ITCH: variants seen among roughly 807,000 people sequenced by gnomAD.
The protein encoded by ITCH is itchy E3 ubiquitin protein ligase, also known as E3 ubiquitin-protein ligase Itchy homolog.
ITCH carries 28 observed loss-of-function variants against 126.8 expected under a neutral mutation model. The observed-to-expected ratio is 0.22, with a 90% CI of 0.16 to 0.30. ITCH has a LOEUF of 0.30. Among genes scored for constraint, ITCH ranks in the 10% least tolerant of loss-of-function variants. The pLI is 1.00. For synonymous variants in ITCH, 342 were observed against 340.0 expected, an observed-to-expected ratio of 1.01 and a Z score of -0.06; for missense variants, 631 against 1,032.4, an observed-to-expected ratio of 0.61 and a Z score of 5.33.
intron 16 of ITCH, 74 bp from the exon 17 acceptor site, chr20:34,477,698 A>G (rs1393368183): frequency 1.5e-6 from 2 of 1,352,972 alleles, no homozygotes; most frequent in East Asian, 4.6e-5. Context: ...AACGAAGGAG[A>G]TGTCAAACCT....
At chr20:34,434,087 G>A (rs1233530683) in intron 7 of ITCH, among the ~76,000 whole-genome samples, 2 of 152,158 alleles carry the variant, frequency 1.3e-5, no homozygotes, top group South Asian at 4.1e-4. Flanking sequence ...ACTAGCATGG[G>A]CAACATGGCA....
intron 16 of ITCH, among the ~76,000 whole-genome samples, chr20:34,477,376 C>A (rs1988329048): frequency 1.3e-5 from 2 of 152,032 alleles, no homozygotes; most frequent in Non-Finnish European, 2.9e-5. Flanking sequence ...ACTAAAAATA[C>A]AAAATTAGCC....
Position 34,479,691 on chromosome 20 carries a change from G to T in ITCH, c.1720G>T (p.Ala574Ser), listed in dbSNP as rs1017017378. The stretch of plus-strand genomic sequence containing the variant: ...CCCAATGTATTGCCTGTTTGAATAT[G>T]CAGGGAAGGATAACTACTGCTTGCA... ...LNPMYCLFEY[A>S]GKDNYCLQIN... The change falls in exon 18 of 25, where the codon GCA becomes TCA. Residue 574 changes from alanine to serine, a missense_variant. By Grantham distance (99) the Ala-to-Ser change is moderately conservative. This residue lies in a region of ITCH where 390 missense variants were observed against 731.6 expected (regional missense o/e 0.53). Transcript: ENST00000374864. The T allele has an allele frequency of 6.2e-7, 1 of 1,613,366 alleles. No individual in the cohort carries two copies. The highest frequency in any genetic ancestry group is 2.2e-5 in the East Asian group (1 of 44,854).
intron 24 of ITCH, among the ~76,000 whole-genome samples, chr20:34,507,251 T>C (rs1990672237): frequency 6.7e-6 from 1 of 148,180 alleles, no homozygotes; most frequent in Non-Finnish European, 1.5e-5. Context: ...TTTTCAACTC[T>C]TGTTTTCTTC....
rs35357680 is a variant in ITCH, at chr20:34,495,921, T to TAAA, written c.2416+3349_2416+3351dup. On this transcript the variant is annotated intron_variant, in intron 23 of 24. Coordinates refer to ENST00000374864, the MANE Select transcript of ITCH (RefSeq NM_031483.7). ...GAAACCCTGTCTCTACTGAAAATAC[T>TAAA]AAAAAAAAAAAAAAAAAAAAAAAAA... Among the ~76,000 whole-genome samples the TAAA allele has an allele frequency of 1.0e-3, 50 of 49,956 alleles. No homozygotes were observed. The South Asian group carries it at 0.016, about 16-fold the overall frequency. The allele number at this position is 49,956 out of a possible 152,430, so 32.8% of individuals were successfully genotyped here.
intron 20 of ITCH, among the ~76,000 whole-genome samples, chr20:34,486,339 C>A (rs1218030715): frequency 6.9e-6 from 1 of 145,248 alleles, no homozygotes; most frequent in East Asian, 2.0e-4. Context: ...TTTTTTTTTT[C>A]CCCCGAGACA....
chr20:34,445,607 T>C, intron 11 of ITCH, 146 bp downstream of exon 11: 1 of 695,526 alleles, frequency 1.4e-6, no homozygotes, highest in African/African-American at 1.8e-5. Flanking sequence ...TTAGACCTTG[T>C]CTGGGGTATT....
intron 11 of ITCH, among the ~76,000 whole-genome samples, chr20:34,448,117 C>T (rs914804283): frequency 2.0e-5 from 3 of 152,158 alleles, no homozygotes; most frequent in Non-Finnish European, 4.4e-5. Context: ...CAGCCTGGCG[C>T]GGTGGCTCAC....
intron 3 of ITCH, among the ~76,000 whole-genome samples, chr20:34,407,885 C>CTT (rs1361026517): frequency 6.6e-6 from 1 of 152,138 alleles, no homozygotes; most frequent in Admixed American, 6.5e-5. Flanking sequence ...CTGTTAATTG[C>CTT]TTTAGGGACA....
chr20:34,479,787 A>C lies in ITCH; in HGVS notation c.1816A>C (p.Met606Leu). 2.5e-6 allele frequency: 4 copies of C among 1,613,508 alleles called. No individual in the cohort carries two copies. Among genetic ancestry groups the C allele is most frequent in the Non-Finnish European group, 3.4e-6 (4 of 1,179,704 alleles). The change falls in exon 18 of 25, where the codon ATG becomes CTG. Residue 606 changes from methionine (M) to leucine (L), a missense_variant and splice_region_variant. This residue lies in a region of ITCH where 390 missense variants were observed against 731.6 expected (regional missense o/e 0.53). Transcript: ENST00000374864. The stretch of plus-strand genomic sequence containing the variant: ...TCGTTTTATTGGCAGATTTATTGCC[A>C]TGGTAAGTGCAGGTCAAGAATTATG... ...YFRFIGRFIA[M>L]ALFHGKFIDT... is the part of the protein sequence containing the mutation.
intron 7 of ITCH, among the ~76,000 whole-genome samples, chr20:34,425,328 G>A (rs1366133420): frequency 6.6e-6 from 1 of 152,130 alleles, no homozygotes; most frequent in Non-Finnish European, 1.5e-5. Context: ...AGAAAGCCTG[G>A]GTATTGTCCA....
chr20:34,459,495 A>G (rs1986315631), intron 13 of ITCH, among the ~76,000 whole-genome samples: 1 of 152,178 alleles, frequency 6.6e-6, no homozygotes, highest in African/African-American at 2.4e-5. Context: ...CCAGTGATCA[A>G]AGCCTCCAGG....
chr20:34,389,023 C>T (rs2038392142), intron 2 of ITCH, among the ~76,000 whole-genome samples: 1 of 152,048 alleles, frequency 6.6e-6, no homozygotes, highest in South Asian at 2.1e-4. Flanking sequence ...GTGGGGATTG[C>T]TTCTAGGACC....
chr20:34,381,065 G>A lies in ITCH; in HGVS notation c.-22+11595G>A, dbSNP rs184445867. The stretch of plus-strand genomic sequence containing the variant: ...AGCCTTTCGAAGTGCTGGGATTACC[G>A]GTGTGAGCCACTGCGCCTGTTTGAA... On this transcript the variant is annotated intron_variant, in intron 2 of 24. Coordinates refer to ENST00000374864, the MANE Select transcript of ITCH (RefSeq NM_031483.7). Among the ~76,000 whole-genome samples the A allele has an allele frequency of 3.4e-3, 511 of 152,056 alleles. 4 individuals are homozygous for A. The highest frequency in any genetic ancestry group is 4.6e-3 in the Admixed American group (70 of 15,272).
At chr20:34,405,292 G>C (rs1485406147) in intron 3 of ITCH, among the ~76,000 whole-genome samples, 2 of 152,138 alleles carry the variant, frequency 1.3e-5, no homozygotes, top group East Asian at 3.8e-4. Context: ...ATCACCTGAG[G>C]TCAGGAGTTT....
chr20:34,424,436 T>C (rs377531133), intron 6 of ITCH, 44 bp from the exon 7 acceptor site: 66 of 1,492,810 alleles, frequency 4.4e-5, no homozygotes, highest in Non-Finnish European at 6.0e-5. Flanking sequence ...ACATGAAAAC[T>C]ACTCTCTTGA....
chr20:34,493,007 A>G (rs559757068), intron 23 of ITCH, among the ~76,000 whole-genome samples: 1 of 152,358 alleles, frequency 6.6e-6, no homozygotes, highest in South Asian at 2.1e-4. Context: ...TCTTTGAGAA[A>G]TGGATTCATA....
At chr20:34,473,867 C>T (rs1187714239) in intron 16 of ITCH, among the ~76,000 whole-genome samples, 1 of 152,216 alleles carries the variant, frequency 6.6e-6, no homozygotes, top group Non-Finnish European at 1.5e-5. Context: ...TCTCCAGTTT[C>T]AGTCTGAACA....
In ITCH at chr20:34,470,115, T is replaced by C; in HGVS notation, c.1492T>C (p.Cys498Arg). ...KAKVQYFRFW[C>R]QQLAMPQHIK... ...AAAGGTTCAGTATTTCCGGTTCTGGTGTCAGGTTAGTATTGGAACTGTATC... is the reference window on the plus strand; with the variant it reads ...AAAGGTTCAGTATTTCCGGTTCTGGCGTCAGGTTAGTATTGGAACTGTATC... The change falls in exon 15 of 25, where the codon TGT becomes CGT. Residue 498 changes from cysteine (C) to arginine (R), a missense_variant. By Grantham distance (180) the Cys-to-Arg change is radical. Transcript: ENST00000374864. The C allele has an allele frequency of 1.9e-6, 3 of 1,612,792 alleles. No individual in the cohort carries two copies. Among genetic ancestry groups the C allele is most frequent in the Non-Finnish European group, 2.5e-6 (3 of 1,178,788 alleles).
Sources: allele counts gnomAD v4.1 joint callset (sites outside exome capture counted in the v4.1 genomes callset), GRCh38; gene constraint gnomAD v4.1.1; regional missense constraint gnomAD v4.1.1; transcripts MANE v1.5; gene names NCBI Gene and HGNC (gene_info 2026-07-23, HGNC 2026-07-21).